Variants in PARN observed in about 807,000 individuals in gnomAD.
PARN encodes the protein poly(A)-specific ribonuclease PARN.
PARN carries 71 observed loss-of-function variants against 102.8 expected under a neutral mutation model. That is an observed-to-expected ratio of 0.69 (90% CI 0.57 to 0.84). The LOEUF is 0.84. Among genes scored for constraint, PARN ranks in the 40% least tolerant of loss-of-function variants. The pLI is 0.00. For missense variants in PARN, 782 were observed against 760.9 expected, an observed-to-expected ratio of 1.03 and a Z score of -0.33; for synonymous variants, 261 against 252.9, an observed-to-expected ratio of 1.03 and a Z score of -0.30.
chr16:14,569,076 G>A (rs369391089), intron 18 of PARN, among the ~76,000 whole-genome samples: 3 of 151,776 alleles, frequency 2.0e-5, no homozygotes, highest in African/African-American at 7.3e-5. Flanking sequence ...GCCGGGTATG[G>A]TGGCTTGAGC....
chr16:14,438,082 C>T (rs774073976), intron 23 of PARN, among the ~76,000 whole-genome samples: 5 of 152,094 alleles, frequency 3.3e-5, no homozygotes, highest in Non-Finnish European at 7.4e-5. Flanking sequence ...CGAGACCACT[C>T]TGGAGAAGTG....
At chr16:14,571,457 T>C (rs1968806648) in intron 18 of PARN, among the ~76,000 whole-genome samples, 1 of 152,194 alleles carries the variant, frequency 6.6e-6, no homozygotes, top group African/African-American at 2.4e-5. Flanking sequence ...CAGTAACATA[T>C]TCAATCTTCT....
chr16:14,436,454 G>A lies in PARN; in HGVS notation c.*263C>T, dbSNP rs557453870. The stretch of plus-strand genomic sequence containing the variant: ...AGGAAAGGCCTCACAAGAGCAACAC[G>A]GAATTCACTGGTTAAGCACGTACAC... On this transcript the variant is annotated 3_prime_UTR_variant, in exon 24 of 24. Coordinates refer to ENST00000437198, the MANE Select transcript of PARN (RefSeq NM_002582.4). The A allele has an allele frequency of 3.8e-5, 20 of 519,552 alleles. 1 individual carries two copies. The highest frequency in any genetic ancestry group is 2.7e-4 in the African/African-American group (14 of 52,438). The allele number at this position is 519,552 out of a possible 1,614,324, so 32.2% of individuals were successfully genotyped here. A position where few individuals can be genotyped will look rare whatever the true frequency, so the allele number is the denominator to read the frequency against.
chr16:14,538,219 C>CTTT (rs34012270), intron 21 of PARN, among the ~76,000 whole-genome samples: 5 of 131,842 alleles, frequency 3.8e-5, no homozygotes, highest in Non-Finnish European at 4.9e-5. Context: ...ATATTTTTCA[C>CTTT]TTTTTTTTTT....
chr16:14,560,232 T>C (rs1317502644), intron 18 of PARN, among the ~76,000 whole-genome samples: 1 of 152,244 alleles, frequency 6.6e-6, no homozygotes, highest in African/African-American at 2.4e-5. Flanking sequence ...GTTCCATCAC[T>C]GTGAACTGTA....
At chr16:14,559,441 T>C (rs1261838151) in intron 18 of PARN, among the ~76,000 whole-genome samples, 2 of 151,904 alleles carry the variant, frequency 1.3e-5, no homozygotes, top group African/African-American at 2.4e-5. Flanking sequence ...GAGTATACAG[T>C]AGATGTATAT....
At chr16:14,540,762 G>A (rs1041602488) in intron 21 of PARN, among the ~76,000 whole-genome samples, 1 of 151,886 alleles carries the variant, frequency 6.6e-6, no homozygotes, top group African/African-American at 2.4e-5. Flanking sequence ...GACCAGCCTG[G>A]GCAACATGGC....
chr16:14,447,097 T>C lies in PARN; in HGVS notation c.1671-16A>G, dbSNP rs765178539. On this transcript the variant is annotated splice_polypyrimidine_tract_variant and intron_variant, in intron 22 of 23. Transcript: ENST00000437198. The stretch of plus-strand genomic sequence containing the variant: ...AGCTGTAAAACTGAAATGCAAAAAG[T>C]GGAACAACATAAAAGGTGCTGAGAG... The C allele has an allele frequency of 1.3e-6, 2 of 1,592,628 alleles. No individual in the cohort carries two copies. Among genetic ancestry groups the C allele is most frequent in the South Asian group, 1.1e-5 (1 of 89,754 alleles).
In PARN at chr16:14,582,239, C is replaced by G; in HGVS notation, c.1134G>C (p.Glu378Asp). ...SYDTASEQLH[E>D]AGYDAYITGL... Reference sequence around the variant, plus strand: ...CTGTGATGTAGGCATCGTAGCCTGCCTCGTGGAGTTGTTCAGAGGCTGTGT... The same window carrying G: ...CTGTGATGTAGGCATCGTAGCCTGCGTCGTGGAGTTGTTCAGAGGCTGTGT... Residue 378 changes from glutamate (E) to aspartate (D), a missense_variant, in exon 17 of 24, where the codon GAG becomes GAC. Coordinates refer to ENST00000437198, the MANE Select transcript of PARN (RefSeq NM_002582.4). 3 of 1,613,860 alleles carry G rather than the reference C, an allele frequency of 1.9e-6. No homozygotes were observed. Among genetic ancestry groups the G allele is most frequent in the Non-Finnish European group, 2.5e-6 (3 of 1,179,790 alleles).
At chr16:14,456,939 C>T (rs1040570256) in intron 22 of PARN, among the ~76,000 whole-genome samples, 1 of 152,198 alleles carries the variant, frequency 6.6e-6, no homozygotes, top group African/African-American at 2.4e-5. Context: ...CCTTACTTAT[C>T]TATTCTCTCT....
intron 5 of PARN, among the ~76,000 whole-genome samples, chr16:14,618,223 G>A (rs758273399): frequency 9.9e-5 from 15 of 151,918 alleles, no homozygotes; most frequent in Middle Eastern, 3.4e-3. Context: ...CGCGGTGGCT[G>A]ACACCTGTAA....
intron 11 of PARN, among the ~76,000 whole-genome samples, chr16:14,603,810 G>A (rs1971017737): frequency 6.6e-6 from 1 of 152,186 alleles, no homozygotes; most frequent in South Asian, 2.1e-4. Context: ...CTTGGTTTAA[G>A]GAAAACTAGT....
At chr16:14,479,769 CT>C (rs534285239) in intron 22 of PARN, among the ~76,000 whole-genome samples, 75 of 152,140 alleles carry the variant, frequency 4.9e-4, no homozygotes, top group Non-Finnish European at 8.8e-4. Context: ...GAAGAAAACT[CT>C]TTTAAACAAA....
At chr16:14,622,203 A>G (rs995535445) in intron 5 of PARN, among the ~76,000 whole-genome samples, 1 of 151,262 alleles carries the variant, frequency 6.6e-6, no homozygotes. Flanking sequence ...AAAAAAAATA[A>G]AAAGATTCAA....
chr16:14,474,517 G>C (rs1018326101), intron 22 of PARN, among the ~76,000 whole-genome samples: 1 of 152,174 alleles, frequency 6.6e-6, no homozygotes, highest in African/African-American at 2.4e-5. Flanking sequence ...TCCATGTCAT[G>C]CCCTACACAC....
chr16:14,601,830 GGA>G (rs2151783357), intron 11 of PARN: 1 of 151,738 alleles, frequency 6.6e-6, no homozygotes, highest in East Asian at 2.0e-4. Flanking sequence ...GGCTGAGGCA[GGA>G]GAATCGCTTG....
At chr16:14,499,430 T>C (rs1018071444) in intron 21 of PARN, among the ~76,000 whole-genome samples, 1 of 152,180 alleles carries the variant, frequency 6.6e-6, no homozygotes, top group African/African-American at 2.4e-5. Context: ...CTTTTATTAA[T>C]AGAAGGTGGC....
chr16:14,586,717 G>A (rs1969880107), intron 13 of PARN, among the ~76,000 whole-genome samples: 1 of 152,146 alleles, frequency 6.6e-6, no homozygotes, highest in Non-Finnish European at 1.5e-5. Flanking sequence ...TAGCTAACAG[G>A]CTGCGATCTA....
chr16:14,447,055 T>C lies in PARN; in HGVS notation c.1697A>G (p.Lys566Arg), dbSNP rs1567284498. 1 of 1,613,822 alleles carries C rather than the reference T, an allele frequency of 6.2e-7. No individual in the cohort carries two copies. Among genetic ancestry groups the C allele is most frequent in the Non-Finnish European group, 8.5e-7 (1 of 1,179,784 alleles). The change falls in exon 23 of 24, where the codon AAG becomes AGG. Residue 566 changes from lysine (K) to arginine (R), a missense_variant. Coordinates refer to ENST00000437198, the MANE Select transcript of PARN (RefSeq NM_002582.4). Reference protein sequence around the residue: ...NSFTAPSTVGKRNLSPSQEEA... With the variant: ...NSFTAPSTVGRRNLSPSQEEA... The stretch of plus-strand genomic sequence containing the variant: ...CTCTTGACTAGGACTCAAATTTCTC[T>C]TTCCTACTGTGCTGGGAGCTGTAAA...
Sources: allele counts gnomAD v4.1 joint callset (sites outside exome capture counted in the v4.1 genomes callset), GRCh38; gene constraint gnomAD v4.1.1; transcripts MANE v1.5; gene names NCBI Gene and HGNC (gene_info 2026-07-23, HGNC 2026-07-21).